CORO2A: variants seen among roughly 807,000 people sequenced by gnomAD.
CORO2A encodes coronin-2A.
Under a neutral mutation model 62.4 loss-of-function variants are expected in CORO2A, and 47 were observed. The observed-to-expected ratio is 0.75, with a 90% CI of 0.60 to 0.96. CORO2A has a LOEUF of 0.96. Among genes scored for constraint, CORO2A ranks in the 40% least tolerant of loss-of-function variants. The pLI is 0.00. For missense variants in CORO2A, 610 were observed against 684.1 expected, an observed-to-expected ratio of 0.89 and a Z score of 1.21; for synonymous variants, 273 against 268.9, an observed-to-expected ratio of 1.02 and a Z score of -0.15.
intron 2 of CORO2A, among the ~76,000 whole-genome samples, chr9:98,143,129 C>T (rs1827596515): frequency 6.6e-6 from 1 of 152,210 alleles, no homozygotes; most frequent in Non-Finnish European, 1.5e-5. Flanking sequence ...CCTCGCAGAC[C>T]CCACAGAACC....
At chr9:98,126,489 A>G in intron 11 of CORO2A, 60 bp downstream of exon 11, 2 of 1,572,098 alleles carry the variant, frequency 1.3e-6, no homozygotes. Flanking sequence ...CTCAGCCTGG[A>G]TCTGTTCCCC....
rs999996421 is a variant in CORO2A, at chr9:98,121,720, G to C, written c.*3054C>G. 1.3e-5 allele frequency: 2 copies of C among 152,268 alleles called. No individual in the cohort carries two copies. Among genetic ancestry groups the C allele is most frequent in the East Asian group, 1.9e-4 (1 of 5,182 alleles). 9.4% of individuals were successfully genotyped at this position (152,268 alleles called of 1,614,324 possible). A position where few individuals can be genotyped will look rare whatever the true frequency, so the allele number is the denominator to read the frequency against. On this transcript the variant is annotated 3_prime_UTR_variant, in exon 12 of 12. Coordinates refer to ENST00000375077, the MANE Select transcript of CORO2A (RefSeq NM_052820.4). ...ATGTTTCTTCACTTCTCTGAGGCTA[G>C]GTCTTTGATTCTGAACATGGGGACT... is the stretch of plus-strand genomic sequence containing the variant.
At chr9:98,134,537 T>C (rs893961185) in intron 4 of CORO2A, among the ~76,000 whole-genome samples, 3 of 152,098 alleles carry the variant, frequency 2.0e-5, no homozygotes, top group South Asian at 2.1e-4. Flanking sequence ...CCTCTTCCTA[T>C]AAGGAAGACA....
chr9:98,186,912 G>A (rs150732113), intron 1 of CORO2A, among the ~76,000 whole-genome samples: 22 of 152,194 alleles, frequency 1.4e-4, no homozygotes, highest in African/African-American at 5.3e-4. Flanking sequence ...AGCACTCCAG[G>A]CCTGGACTAT....
chr9:98,183,068 C>T (rs1333867909), intron 1 of CORO2A, among the ~76,000 whole-genome samples: 1 of 152,206 alleles, frequency 6.6e-6, no homozygotes, highest in African/African-American at 2.4e-5. Context: ...TAGCATTCAC[C>T]CTGGATCTCC....
At chr9:98,189,219 C>A (rs1436536510) in intron 1 of CORO2A, among the ~76,000 whole-genome samples, 1 of 152,152 alleles carries the variant, frequency 6.6e-6, no homozygotes, top group Non-Finnish European at 1.5e-5. Context: ...GCCTGCAGAC[C>A]CCCAGGAGGC....
chr9:98,138,500 A>G (rs4743170), intron 2 of CORO2A, among the ~76,000 whole-genome samples: 51,757 of 152,070 alleles, frequency 0.34, 8,998 homozygotes, highest in Admixed American at 0.4. Context: ...AATGCCCATC[A>G]AGTGAAGAAT....
intron 2 of CORO2A, among the ~76,000 whole-genome samples, chr9:98,146,006 G>A (rs1277662496): frequency 6.6e-6 from 1 of 152,148 alleles, no homozygotes; most frequent in African/African-American, 2.4e-5. Flanking sequence ...CCACCATGCT[G>A]GCTAAGGCTG....
intron 1 of CORO2A, among the ~76,000 whole-genome samples, chr9:98,175,444 C>T (rs558855777): frequency 6.6e-6 from 1 of 152,332 alleles, no homozygotes; most frequent in South Asian, 2.1e-4. Flanking sequence ...GGGAGCCCTG[C>T]TCTGTGCAGG....
chr9:98,151,794 T>C (rs1298582534), intron 2 of CORO2A, among the ~76,000 whole-genome samples: 1 of 150,176 alleles, frequency 6.7e-6, no homozygotes, highest in Non-Finnish European at 1.5e-5. Context: ...GTTACAGGCA[T>C]GCACCACCAT....
chr9:98,175,949 A>C (rs1828104325), intron 1 of CORO2A, among the ~76,000 whole-genome samples: 1 of 152,230 alleles, frequency 6.6e-6, no homozygotes, highest in South Asian at 2.1e-4. Flanking sequence ...TTTATTGAGT[A>C]CTCACTGTGA....
At chr9:98,131,330 CT>C (rs60302015) in intron 6 of CORO2A, among the ~76,000 whole-genome samples, 50,812 of 145,266 alleles carry the variant, frequency 0.35, 9,906 homozygotes, top group African/African-American at 0.55. Flanking sequence ...TAACAAATCA[CT>C]TTTTTTTTTT....
At chr9:98,143,407 G>A (rs954615892) in intron 2 of CORO2A, among the ~76,000 whole-genome samples, 3 of 152,198 alleles carry the variant, frequency 2.0e-5, no homozygotes, top group South Asian at 2.1e-4. Context: ...AGCTCAGGGT[G>A]GAGACTGGGA....
At position 98,124,734 on chromosome 9, in the gene CORO2A, G is replaced by A. The variant is rs373319617; in HGVS notation, c.*40C>T. 1.7e-5 allele frequency: 26 copies of A among 1,558,954 alleles called. No individual in the cohort carries two copies. Among genetic ancestry groups the A allele is most frequent in the African/African-American group, 2.7e-5 (2 of 73,604 alleles). On this transcript the variant is annotated 3_prime_UTR_variant, in exon 12 of 12. Coordinates refer to ENST00000375077, the MANE Select transcript of CORO2A (RefSeq NM_052820.4). ...TGGTTCTAAACCTCCCCATGGAGCC[G>A]AGTGGTGTCCCTGAGGGTGAGGAGG...
chr9:98,174,148 A>T (rs1479097016), intron 1 of CORO2A, among the ~76,000 whole-genome samples: 1 of 151,386 alleles, frequency 6.6e-6, no homozygotes, highest in Non-Finnish European at 1.5e-5. Flanking sequence ...ACAAAAAAAA[A>T]AAACCAAAGA....
At chr9:98,161,363 G>A (rs371297558) in intron 1 of CORO2A, among the ~76,000 whole-genome samples, 14 of 152,220 alleles carry the variant, frequency 9.2e-5, no homozygotes, top group African/African-American at 3.4e-4. Context: ...AGACCAGCCT[G>A]GCCAACATGG....
chr9:98,179,730 C>A (rs1303202401), intron 1 of CORO2A, among the ~76,000 whole-genome samples: 1 of 152,092 alleles, frequency 6.6e-6, no homozygotes, highest in East Asian at 1.9e-4. Context: ...ATAGGCCAGG[C>A]GCGGTGGCTC....
At chr9:98,191,377 CTCT>C (rs1239391694) in intron 1 of CORO2A, among the ~76,000 whole-genome samples, 1 of 152,236 alleles carries the variant, frequency 6.6e-6, no homozygotes, top group Non-Finnish European at 1.5e-5. Context: ...CCTCGGCTCC[CTCT>C]TCTTGCCTTG....
intron 1 of CORO2A, among the ~76,000 whole-genome samples, chr9:98,172,265 C>T (rs1828047503): frequency 6.7e-6 from 1 of 148,986 alleles, no homozygotes; most frequent in Non-Finnish European, 1.5e-5. Context: ...AGCTCAGTCC[C>T]ACACCCCACT....
Sources: gnomAD v4.1 joint callset for allele counts (sites outside exome capture counted in the v4.1 genomes callset) on GRCh38, gnomAD v4.1.1 for gene constraint, MANE v1.5 for transcripts, NCBI Gene and HGNC (gene_info 2026-07-23, HGNC 2026-07-21) for gene names.